Variants in FAT3 observed in about 807,000 individuals in gnomAD.
The protein encoded by FAT3 is FAT atypical cadherin 3, also known as protocadherin Fat 3.
FAT3 carries 95 observed loss-of-function variants against 310.2 expected under a neutral mutation model. That is an observed-to-expected ratio of 0.31 (90% CI 0.26 to 0.36). FAT3 has a LOEUF of 0.36. Ranked by LOEUF, FAT3 falls within the 10% of genes least tolerant of loss-of-function variation. FAT3 has a pLI of 1.00. For missense variants in FAT3, 5,408 were observed against 5,715.6 expected (o/e 0.95, Z 1.74); for synonymous variants, 2,314 against 2,192.9 (o/e 1.06, Z -1.54).
chr11:92,514,782 G>C lies in FAT3; in HGVS notation c.3293-9852G>C, dbSNP rs1591388141. ...AAATCGTTATCTTTTGATACTGAAA[G>C]AGCTGTCACAGAAGAAAGATTGTTT... On this transcript the variant is annotated intron_variant, in intron 2 of 27. Transcript: ENST00000525166. Among the ~76,000 whole-genome samples the C allele has an allele frequency of 2.0e-5, 3 of 152,278 alleles. No homozygotes were observed. In the Middle Eastern group the frequency reaches 0.01, roughly 518 times the overall value.
At position 92,524,897 on chromosome 11, in the gene FAT3, A is replaced by G. The variant is rs1286596492; in HGVS notation, c.3556A>G (p.Arg1186Gly). ...CAGTTCCAATGAAAAACTGACATAC[A>G]GGATTACAAGTGGAAATCCTCAGAA... ...DSSSNEKLTY[R>G]ITSGNPQNFF... Residue 1186 changes from arginine (R) to glycine (G), a missense_variant, in exon 3 of 28, where the codon AGG (arginine) becomes GGG (glycine). This residue lies in a region of FAT3 where 4,588 missense variants were observed against 4,809.8 expected (regional missense o/e 0.95). Coordinates refer to ENST00000525166, the MANE Select transcript of FAT3 (RefSeq NM_001367949.2). 6.2e-7 allele frequency: 1 copy of G among 1,613,890 alleles called. No homozygotes were observed. The highest frequency in any genetic ancestry group is 8.5e-7 in the Non-Finnish European group (1 of 1,179,812).
At chr11:92,324,613 A>G (rs189557061) in intron 1 of FAT3, among the ~76,000 whole-genome samples, 280 of 152,340 alleles carry the variant, frequency 1.8e-3, no homozygotes, top group African/African-American at 6.3e-3. Flanking sequence ...CCACCCTAAC[A>G]GATATAATAT....
intron 1 of FAT3, among the ~76,000 whole-genome samples, chr11:92,339,239 T>A (rs1948175110): frequency 6.6e-6 from 1 of 152,206 alleles, no homozygotes. Context: ...ACCCACTAGA[T>A]GCCTGCAGCA....
Position 92,774,025 on chromosome 11 carries a change from T to G in FAT3, c.4196-16T>G, listed in dbSNP as rs369219006. On this transcript the variant is annotated splice_polypyrimidine_tract_variant and intron_variant, in intron 6 of 27. Transcript: ENST00000525166. ...TTATCAGATTTGCTAATTTCATGTTTCTGTGAAATCATCAGGGGGGAATTT... is the reference window on the plus strand; with the variant it reads ...TTATCAGATTTGCTAATTTCATGTTGCTGTGAAATCATCAGGGGGGAATTT... 5 of 1,611,712 alleles carry G rather than the reference T, an allele frequency of 3.1e-6. No homozygotes were observed. The highest frequency in any genetic ancestry group is 1.3e-5 in the African/African-American group (1 of 74,944).
intron 1 of FAT3, among the ~76,000 whole-genome samples, chr11:92,351,096 A>T (rs1181197231): frequency 4.6e-5 from 7 of 152,214 alleles, no homozygotes; most frequent in Admixed American, 4.6e-4. Flanking sequence ...ATAGTCATTG[A>T]TGAAAGTAAT....
chr11:92,533,556 T>C (rs2135390623), intron 3 of FAT3, among the ~76,000 whole-genome samples: 1 of 152,324 alleles, frequency 6.6e-6, no homozygotes, highest in East Asian at 1.9e-4. Flanking sequence ...GCTGTTTCTT[T>C]ATAAAACTGA....
chr11:92,493,532 A>G (rs1200310369), intron 2 of FAT3, among the ~76,000 whole-genome samples: 2 of 152,060 alleles, frequency 1.3e-5, no homozygotes, highest in Non-Finnish European at 2.9e-5. Flanking sequence ...TGCTGACTGG[A>G]TGGGTCTTCC....
chr11:92,363,258 C>A (rs375427321), intron 2 of FAT3, among the ~76,000 whole-genome samples: 1 of 152,284 alleles, frequency 6.6e-6, no homozygotes, highest in African/African-American at 2.4e-5. Flanking sequence ...TCCAAAGCCT[C>A]TAATCATCAT....
chr11:92,290,943 A>AAT (rs1222629727), intron 1 of FAT3, among the ~76,000 whole-genome samples: 1 of 152,078 alleles, frequency 6.6e-6, no homozygotes, highest in Non-Finnish European at 1.5e-5. Context: ...TGATATTTTA[A>AAT]ATACTAATTT....
At chr11:92,756,955 G>A (rs991956962) in intron 4 of FAT3, among the ~76,000 whole-genome samples, 1 of 101,284 alleles carries the variant, frequency 9.9e-6, no homozygotes, top group Non-Finnish European at 1.8e-5. Context: ...ACAGAGGTTT[G>A]CTCTTGTTGC....
At chr11:92,329,917 G>T (rs1947868827) in intron 1 of FAT3, among the ~76,000 whole-genome samples, 1 of 151,532 alleles carries the variant, frequency 6.6e-6, no homozygotes. Context: ...ACCAGAGGAA[G>T]ATTTGACCTG....
chr11:92,879,522 T>G (rs1421444186), intron 22 of FAT3, among the ~76,000 whole-genome samples: 1 of 152,216 alleles, frequency 6.6e-6, no homozygotes, highest in Non-Finnish European at 1.5e-5. Flanking sequence ...ACACTGGACA[T>G]TTTTTAACTC....
At chr11:92,360,210 G>A (rs527725569) in intron 2 of FAT3, among the ~76,000 whole-genome samples, 43 of 152,222 alleles carry the variant, frequency 2.8e-4, no homozygotes, top group African/African-American at 9.1e-4. Context: ...TTATACACCA[G>A]CAACAGACAA....
intron 1 of FAT3, among the ~76,000 whole-genome samples, chr11:92,298,144 T>C (rs1946898911): frequency 6.6e-6 from 1 of 152,120 alleles, no homozygotes. Context: ...AGTACTTATC[T>C]TGAAGCACAG....
intron 1 of FAT3, among the ~76,000 whole-genome samples, chr11:92,325,245 G>T (rs894064707): frequency 2.6e-5 from 4 of 152,154 alleles, no homozygotes; most frequent in African/African-American, 9.7e-5. Context: ...CACTTCTCTG[G>T]TTCCTTACAG....
At chr11:92,672,559 C>T (rs1943161031) in intron 3 of FAT3, among the ~76,000 whole-genome samples, 2 of 152,084 alleles carry the variant, frequency 1.3e-5, no homozygotes, top group South Asian at 4.2e-4. Context: ...GTCTTTGTGC[C>T]AATTAGAATT....
chr11:92,584,172 A>C (rs141563880), intron 3 of FAT3, among the ~76,000 whole-genome samples: 212 of 152,040 alleles, frequency 1.4e-3, no homozygotes, highest in South Asian at 5.4e-3. Context: ...GACAGCTATT[A>C]CTGTTGTACC....
intron 2 of FAT3, among the ~76,000 whole-genome samples, chr11:92,438,132 TA>T (rs1432366336): frequency 6.6e-6 from 1 of 152,162 alleles, no homozygotes; most frequent in Non-Finnish European, 1.5e-5. Flanking sequence ...TGTAAATATC[TA>T]AAAAGGGGGA....
chr11:92,728,209 G>A (rs1945057793), intron 4 of FAT3, among the ~76,000 whole-genome samples: 1 of 152,164 alleles, frequency 6.6e-6, no homozygotes, highest in South Asian at 2.1e-4. Flanking sequence ...ATTAAGAGGA[G>A]TTCTAAATAG....
Sources: gnomAD v4.1 joint callset for allele counts (sites outside exome capture counted in the v4.1 genomes callset) on GRCh38, gnomAD v4.1.1 for gene constraint, gnomAD v4.1.1 regional missense constraint, MANE v1.5 for transcripts, NCBI Gene and HGNC (gene_info 2026-07-23, HGNC 2026-07-21) for gene names.